The following ARMC3 variants were observed in gnomAD, a reference collection of about 807,000 sequenced individuals.
ARMC3 encodes armadillo repeat containing 3, also known as armadillo repeat-containing protein 3.
Under a neutral mutation model 90.3 loss-of-function variants are expected in ARMC3, and 74 were observed. The ratio of observed to expected loss-of-function variants is 0.82; its 90% CI spans 0.68 to 0.99. The LOEUF is 0.99. Among genes scored for constraint, ARMC3 ranks in the 50% least tolerant of loss-of-function variants. The probability of loss-of-function intolerance (pLI) is 0.00; values close to 1 mark genes in which losing one functional copy is unlikely to be tolerated. For missense variants in ARMC3, 958 were observed against 1,042.8 expected (o/e 0.92, Z 1.12); for synonymous variants, 334 against 361.8 (o/e 0.92, Z 0.87).
chr10:23,000,698 G>A (rs1246019590), intron 11 of ARMC3, among the ~76,000 whole-genome samples: 1 of 152,154 alleles, frequency 6.6e-6, no homozygotes, highest in South Asian at 2.1e-4. Flanking sequence ...TGCTTCAAGT[G>A]AACTTTCTAA....
chr10:22,985,738 A>G (rs1378871989), intron 10 of ARMC3, among the ~76,000 whole-genome samples: 2 of 152,356 alleles, frequency 1.3e-5, no homozygotes, highest in African/African-American at 2.4e-5. Context: ...ACAAACATGA[A>G]TCCTTTTACT....
chr10:23,010,868 T>TC (rs1241449143), intron 16 of ARMC3, among the ~76,000 whole-genome samples: 686 of 64,052 alleles, frequency 0.011, 12 homozygotes, highest in African/African-American at 0.035. Context: ...CCCTTGCCTC[T>TC]CCTCTCCTTC....
Position 22,959,589 on chromosome 10 carries a change from TA to T in ARMC3, c.537+20del. 1 of 1,569,392 alleles carries T rather than the reference TA, an allele frequency of 6.4e-7. No individual in the cohort carries two copies. The highest frequency in any genetic ancestry group is 8.6e-7 in the Non-Finnish European group (1 of 1,163,636). Reference sequence around the variant, plus strand: ...ACTTGGTGCAGGTAAGATTAATTTCTAAAAAGCGTTCTGATGAAAGCTCATT... The same window carrying T: ...ACTTGGTGCAGGTAAGATTAATTTCTAAAAGCGTTCTGATGAAAGCTCATT... On this transcript the variant is annotated intron_variant, in intron 6 of 18. Coordinates refer to ENST00000298032, the MANE Select transcript of ARMC3 (RefSeq NM_173081.5).
At chr10:23,008,407 A>T (rs11819616) in intron 15 of ARMC3, 33 bp downstream of exon 15, 629,272 of 1,091,872 alleles carry the variant, frequency 0.58, 185,784 homozygotes, top group Non-Finnish European at 0.6. Flanking sequence ...GTATGCAAAC[A>T]GCTTCCCCTT....
At chr10:22,968,205 T>C in intron 7 of ARMC3, 101 bp from the exon 8 acceptor site, 1 of 1,077,724 alleles carries the variant, frequency 9.3e-7, no homozygotes. Flanking sequence ...ACAAAAATCA[T>C]GACATTGTGT....
chr10:23,024,856 C>T (rs1838654918), intron 16 of ARMC3, among the ~76,000 whole-genome samples: 1 of 152,116 alleles, frequency 6.6e-6, no homozygotes, highest in Non-Finnish European at 1.5e-5. Context: ...AATAAACTAA[C>T]TTCAAATTCA....
chr10:23,030,360 A>C (rs1838871788), intron 16 of ARMC3, among the ~76,000 whole-genome samples: 2 of 152,120 alleles, frequency 1.3e-5, no homozygotes, highest in Admixed American at 1.3e-4. Context: ...TACATAGCAC[A>C]AATACTGTAT....
chr10:22,946,374 T>G, intron 3 of ARMC3, 113 bp downstream of exon 3: 1 of 665,326 alleles, frequency 1.5e-6, no homozygotes, highest in Non-Finnish European at 2.5e-6. Flanking sequence ...GATGAATTAT[T>G]TCAGACAACC....
At chr10:23,011,461 G>A (rs10741014) in intron 16 of ARMC3, among the ~76,000 whole-genome samples, 132,737 of 152,202 alleles carry the variant, frequency 0.87, 58,267 homozygotes, top group Non-Finnish European at 0.92. Context: ...CACTCAACCA[G>A]TGTCAGTTTC....
Position 22,998,245 on chromosome 10 carries a change from A to G in ARMC3, c.1273A>G (p.Met425Val), listed in dbSNP as rs1837093270. The change falls in exon 11 of 19, where the codon ATG (methionine) becomes GTG (valine). Residue 425 changes from methionine (M) to valine (V), a missense_variant. Coordinates refer to ENST00000298032, the MANE Select transcript of ARMC3 (RefSeq NM_173081.5). ...IANAATVLTN[M>V]AMQEPLRLNI... is the part of the protein sequence containing the mutation. ...CAACGCTGCTACAGTATTAACAAAC[A>G]TGGCCATGCAGGAGCCCCTGCGCCT... The G allele has an allele frequency of 3.7e-6, 6 of 1,612,872 alleles. No individual in the cohort carries two copies. Among genetic ancestry groups the G allele is most frequent in the Non-Finnish European group, 5.1e-6 (6 of 1,179,350 alleles).
intron 18 of ARMC3, among the ~76,000 whole-genome samples, chr10:23,035,418 C>T (rs936435474): frequency 3.3e-5 from 5 of 152,154 alleles, no homozygotes; most frequent in African/African-American, 1.2e-4. Flanking sequence ...GAATTACCCT[C>T]ACATCTCAAC....
intron 10 of ARMC3, among the ~76,000 whole-genome samples, chr10:22,993,551 C>T (rs1018111524): frequency 2.6e-5 from 4 of 152,112 alleles, no homozygotes; most frequent in Admixed American, 6.5e-5. Context: ...ATACCTGCAG[C>T]GAATTTCTGC....
At chr10:22,964,750 GTTTT>G (rs796607279) in intron 7 of ARMC3, among the ~76,000 whole-genome samples, 2 of 143,440 alleles carry the variant, frequency 1.4e-5, no homozygotes, top group East Asian at 4.1e-4. Context: ...CCCCCGTAGT[GTTTT>G]TTTTTTTTCT....
At chr10:22,938,031 T>C (rs1403422427) in intron 2 of ARMC3, among the ~76,000 whole-genome samples, 1 of 152,196 alleles carries the variant, frequency 6.6e-6, no homozygotes, top group African/African-American at 2.4e-5. Context: ...CAATTAATAA[T>C]AATATAATTC....
intron 2 of ARMC3, among the ~76,000 whole-genome samples, chr10:22,935,935 C>T (rs1834092208): frequency 6.6e-6 from 1 of 152,122 alleles, no homozygotes; most frequent in Admixed American, 6.5e-5. Context: ...TTTTCCTACA[C>T]AATTAGCACC....
chr10:22,935,101 G>A (rs369447949), intron 2 of ARMC3, among the ~76,000 whole-genome samples: 1 of 152,198 alleles, frequency 6.6e-6, no homozygotes, highest in East Asian at 1.9e-4. Context: ...GAATCGTAAT[G>A]ATTAAGTATC....
chr10:23,018,477 C>A (rs1041589402), intron 16 of ARMC3, among the ~76,000 whole-genome samples: 1 of 148,984 alleles, frequency 6.7e-6, no homozygotes, highest in Non-Finnish European at 1.5e-5. Context: ...AAAAAGGCAT[C>A]TATAATGGTA....
In ARMC3 at chr10:22,970,384, C is replaced by T. The variant is rs149264017; in HGVS notation, c.916+1895C>T. 2.8e-3 allele frequency among the ~76,000 whole-genome samples: 427 copies of T among 152,256 alleles called. 2 individuals are homozygous for T. Among genetic ancestry groups the T allele is most frequent in the Middle Eastern group, 0.01 (3 of 294 alleles). ...GACCAGAAAGCCACAGAACACTGAGCGCTCAGGCTATGGACGTGGTGAGGA... is the reference window on the plus strand; with the variant it reads ...GACCAGAAAGCCACAGAACACTGAGTGCTCAGGCTATGGACGTGGTGAGGA... On this transcript the variant is annotated intron_variant, in intron 8 of 18. Coordinates refer to ENST00000298032, the MANE Select transcript of ARMC3 (RefSeq NM_173081.5).
intron 16 of ARMC3, chr10:23,014,529 A>G (rs7901137): frequency 0.6 from 588,017 of 986,044 alleles, 177,476 homozygotes; most frequent in Non-Finnish European, 0.61. Flanking sequence ...GTGAGACAAT[A>G]GCAAAGACAT....
Sources: gnomAD v4.1 joint callset for allele counts (sites outside exome capture counted in the v4.1 genomes callset) on GRCh38, gnomAD v4.1.1 for gene constraint, MANE v1.5 for transcripts, NCBI Gene and HGNC (gene_info 2026-07-23, HGNC 2026-07-21) for gene names.